The following WIZ variants were observed in gnomAD, a reference collection of about 807,000 sequenced individuals.
WIZ encodes WIZ zinc finger.
A neutral mutation model predicts 140.2 loss-of-function variants in WIZ; 25 were observed. The observed-to-expected ratio is 0.18, with a 90% CI of 0.13 to 0.25. The LOEUF (loss-of-function observed/expected upper bound fraction) is 0.25, where lower values mean the gene tolerates loss of function less well. WIZ is among the 10% of genes least tolerant of loss of function. The probability of loss-of-function intolerance (pLI) is 1.00; values close to 1 mark genes in which losing one functional copy is unlikely to be tolerated. For synonymous variants in WIZ, 1,125 were observed against 1,154.3 expected (o/e 0.97, Z 0.51); for missense variants, 2,231 against 2,632.6 (o/e 0.85, Z 3.34).
chr19:15,429,642 G>A lies in WIZ; in HGVS notation c.3359C>T (p.Pro1120Leu), dbSNP rs536601218. ...AGGCCACTGTGCCTTTGGGGAGGCC[G>A]GCCGGGGGCTCAGGGACAGCTGGGG... ...KSPQLSLSPR[P>L]ASPKAQWPQS... The change falls in exon 7 of 13, where the codon CCG becomes CTG. Residue 1120 changes from proline (P) to leucine (L), a missense_variant. By Grantham distance (98) the Pro-to-Leu change is moderately conservative. Transcript: ENST00000673675. 6 of 1,418,094 alleles carry A rather than the reference G, an allele frequency of 4.2e-6. No homozygotes were observed. Among genetic ancestry groups the A allele is most frequent in the South Asian group, 1.6e-5 (1 of 64,468 alleles). 87.8% of individuals were successfully genotyped at this position (1,418,094 alleles called of 1,614,324 possible).
At position 15,438,887 on chromosome 19, in the gene WIZ, T is replaced by C. The variant is rs753270167; in HGVS notation, c.2107A>G (p.Arg703Gly). The C allele has an allele frequency of 1.6e-4, 236 of 1,454,336 alleles. No homozygotes were observed. Among genetic ancestry groups the C allele is most frequent in the Non-Finnish European group, 2.0e-4 (226 of 1,104,022 alleles). The allele number at this position is 1,454,336 out of a possible 1,614,324, so 90.1% of individuals were successfully genotyped here. A position where few individuals can be genotyped will look rare whatever the true frequency, so the allele number is the denominator to read the frequency against. Residue 703 changes from arginine (R) to glycine (G), a missense_variant, in exon 4 of 13, where the codon AGG becomes GGG. Coordinates refer to ENST00000673675, the MANE Select transcript of WIZ (RefSeq NM_001371589.1). ...AGCCCCAGCTCCTCGGGCTGCAACC[T>C]TGGGGGCACCCTGGCTGCCGCCATG... The part of the protein sequence containing the change: ...QVMAAARVPP[R>G]LQPEELGLAG...
Position 15,427,563 on chromosome 19 carries a change from CA to C in WIZ, c.3815-31del. On this transcript the variant is annotated intron_variant, in intron 8 of 12. Transcript: ENST00000673675. This position sits in a 1 kb window ranked among gnomAD's most constrained non-coding sequence, Gnocchi z 6.4. ...AGCAGGAGGAGAAAGGGGCAGTTAG[CA>C]TCGTGGAACTGCCAGCATGGTCACC... The C allele has an allele frequency of 1.9e-6, 3 of 1,579,768 alleles. No homozygotes were observed. Among genetic ancestry groups the C allele is most frequent in the Non-Finnish European group, 2.6e-6 (3 of 1,161,390 alleles).
In WIZ at chr19:15,429,768, G is replaced by A. The variant is rs966203455; in HGVS notation, c.3233C>T (p.Ser1078Leu). The change falls in exon 7 of 13, where the codon TCG (serine) becomes TTG (leucine). Residue 1078 changes from serine to leucine, a missense_variant. By Grantham distance (145) the Ser-to-Leu change is moderately radical. Coordinates refer to ENST00000673675, the MANE Select transcript of WIZ (RefSeq NM_001371589.1). The stretch of plus-strand genomic sequence containing the variant: ...GGGCGGGTGGCCCAGGCCCTTGGCC[G>A]AGAAGCCGGGAGGCGACTTGATGGC... ...NKAIKSPPGF[S>L]AKGLGHPPSS... 38 of 1,509,506 alleles carry A rather than the reference G, an allele frequency of 2.5e-5. No individual in the cohort carries two copies. Among genetic ancestry groups the A allele is most frequent in the East Asian group, 1.7e-4 (7 of 40,456 alleles). 93.5% of individuals were successfully genotyped at this position (1,509,506 alleles called of 1,614,324 possible).
In WIZ at chr19:15,420,141, G is replaced by C. The variant is rs1968315817; in HGVS notation, c.*2935C>G. The C allele has an allele frequency of 6.6e-6, 1 of 152,270 alleles. No homozygotes were observed. Among genetic ancestry groups the C allele is most frequent in the African/African-American group, 2.4e-5 (1 of 41,468 alleles). The allele number at this position is 152,270 out of a possible 1,614,324, so 9.4% of individuals were successfully genotyped here. On this transcript the variant is annotated 3_prime_UTR_variant, in exon 13 of 13. Coordinates refer to ENST00000673675, the MANE Select transcript of WIZ (RefSeq NM_001371589.1). ...GCTTCACACAATTCAGACAGGTAGAGAGAGGAGGAGGAAGCAAGGAGCTAT... is the reference window on the plus strand; with the variant it reads ...GCTTCACACAATTCAGACAGGTAGACAGAGGAGGAGGAAGCAAGGAGCTAT...
At chr19:15,441,368 G>A (rs1239831842) in intron 3 of WIZ, among the ~76,000 whole-genome samples, 2 of 152,172 alleles carry the variant, frequency 1.3e-5, no homozygotes, top group Non-Finnish European at 2.9e-5. Flanking sequence ...GAAATTGGGG[G>A]TAATTCCCAA....
chr19:15,448,390 G>C (rs1328335229), intron 1 of WIZ, 23 bp from the exon 2 acceptor site: 15 of 1,524,064 alleles, frequency 9.8e-6, no homozygotes, highest in South Asian at 2.3e-5. Context: ...AGAAGGAAGT[G>C]CTTAGGGGAT....
Position 15,425,382 on chromosome 19 carries a change from T to C in WIZ, c.4753A>G (p.Thr1585Ala), listed in dbSNP as rs1226398158. The change falls in exon 10 of 13, where the codon ACT becomes GCT. Residue 1585 changes from threonine to alanine, a missense_variant. This residue lies in a region of WIZ where 393 missense variants were observed against 451.7 expected (regional missense o/e 0.87). Transcript: ENST00000673675. ...GCTGCCACTGAGCCCAGGTAGCCAG[T>C]GGCTGAGGGCTTGGCCCCAGTGATG... The part of the protein sequence containing the change: ...TPITGAKPSA[T>A]GYLGSVAAKR... The C allele has an allele frequency of 6.4e-7, 1 of 1,556,994 alleles. No individual in the cohort carries two copies. The highest frequency in any genetic ancestry group is 1.4e-5 in the African/African-American group (1 of 73,336).
rs1235737013 is a variant in WIZ, at chr19:15,420,316, T to TAGAA, written c.*2759_*2760insTTCT. The stretch of plus-strand genomic sequence containing the variant: ...ACTCCCCCCACCCAAATGAGGCTTC[T>TAGAA]GCAGAACTTGCTGCCATACGGAACA... On this transcript the variant is annotated 3_prime_UTR_variant, in exon 13 of 13. Coordinates refer to ENST00000673675, the MANE Select transcript of WIZ (RefSeq NM_001371589.1). The TAGAA allele has an allele frequency of 6.6e-6, 1 of 152,268 alleles. No homozygotes were observed. The highest frequency in any genetic ancestry group is 1.5e-5 in the Non-Finnish European group (1 of 68,046). The allele number at this position is 152,268 out of a possible 1,614,324, so 9.4% of individuals were successfully genotyped here.
rs1479439928 is a variant in WIZ, at chr19:15,421,036, A to ATC, written c.*2039_*2040insGA. On this transcript the variant is annotated 3_prime_UTR_variant, in exon 13 of 13. Transcript: ENST00000673675. ...ATGGCTGAGGCAGGAGAATCACTTGAACCCAGGAGGCAGAGACTGCAGCGA... is the reference window on the plus strand; with the variant it reads ...ATGGCTGAGGCAGGAGAATCACTTGATCACCCAGGAGGCAGAGACTGCAGCGA... 1 of 152,222 alleles carries ATC rather than the reference A, an allele frequency of 6.6e-6. No individual in the cohort carries two copies. The highest frequency in any genetic ancestry group is 6.5e-5 in the Admixed American group (1 of 15,280). 9.4% of individuals were successfully genotyped at this position (152,222 alleles called of 1,614,324 possible).
chr19:15,438,131 T>A (rs903270569), intron 4 of WIZ, among the ~76,000 whole-genome samples: 4 of 152,182 alleles, frequency 2.6e-5, no homozygotes, highest in Non-Finnish European at 5.9e-5. Flanking sequence ...CAGAGCCTTG[T>A]ACTGTGGGAA....
At chr19:15,432,332 G>C in intron 5 of WIZ, 1 of 624,982 alleles carries the variant, frequency 1.6e-6, no homozygotes, top group Non-Finnish European at 2.0e-6. Flanking sequence ...CTGGGGGAGG[G>C]GGGGGTCCCG....
Position 15,436,949 on chromosome 19 carries a change from G to A in WIZ, c.2597C>T (p.Ala866Val). The change falls in exon 5 of 13, where the codon GCT becomes GTT. Residue 866 changes from alanine (A) to valine (V), a missense_variant. Coordinates refer to ENST00000673675, the MANE Select transcript of WIZ (RefSeq NM_001371589.1). ...NILQELLATS[A>V]AEQPPSPLGR... ...CAGGGGGCTGGGGGGCTGCTCAGCA[G>A]CAGAGGTGGCCAGCAGCTCCTGCAG... 1 of 1,613,710 alleles carries A rather than the reference G, an allele frequency of 6.2e-7. No individual in the cohort carries two copies. Among genetic ancestry groups the A allele is most frequent in the East Asian group, 2.2e-5 (1 of 44,852 alleles).
In WIZ at chr19:15,428,049, C is replaced by A. The variant is rs1184814284; in HGVS notation, c.3814+61G>T. 3 of 1,513,460 alleles carry A rather than the reference C, an allele frequency of 2.0e-6. No individual in the cohort carries two copies. The highest frequency in any genetic ancestry group is 2.3e-4 in the Middle Eastern group (1 of 4,288). The allele number at this position is 1,513,460 out of a possible 1,614,324, so 93.8% of individuals were successfully genotyped here. On this transcript the variant is annotated intron_variant, in intron 8 of 12. Coordinates refer to ENST00000673675, the MANE Select transcript of WIZ (RefSeq NM_001371589.1). The surrounding 1 kb of genome is among the most constrained non-coding windows in gnomAD (Gnocchi z 6.4). The stretch of plus-strand genomic sequence containing the variant: ...CCCAGCAGGGAGGGGGCTGTGACCC[C>A]CCCCCCGGGAGGGGCTCCAGGGCCC...
In WIZ at chr19:15,424,256, G is replaced by A. The variant is rs750949981; in HGVS notation, c.5437C>T (p.Pro1813Ser). ...RQPPPRVRPV[P>S]SLVPRPPQTS... ...TGGGGGGGCCGGGGCACCAGGGAGG[G>A]GACTGGCCGGACTCGGGGTGGGGGT... Residue 1813 changes from proline to serine, a missense_variant, in exon 12 of 13, where the codon CCC (proline) becomes TCC (serine). This residue lies in a region of WIZ where 299 missense variants were observed against 309.6 expected (regional missense o/e 0.97). Coordinates refer to ENST00000673675, the MANE Select transcript of WIZ (RefSeq NM_001371589.1). The surrounding 1 kb of genome is among the most constrained non-coding windows in gnomAD (Gnocchi z 9.7). 22 of 1,589,246 alleles carry A rather than the reference G, an allele frequency of 1.4e-5. No individual in the cohort carries two copies. The highest frequency in any genetic ancestry group is 1.9e-5 in the Non-Finnish European group (22 of 1,170,956).
intron 6 of WIZ, 120 bp downstream of exon 6, chr19:15,430,892 G>T (rs1309641582): frequency 1.3e-5 from 17 of 1,280,754 alleles, no homozygotes; most frequent in Non-Finnish European, 1.8e-5. Context: ...GTGCCTCAAG[G>T]TGCCAGAGGG....
At chr19:15,433,974 G>T (rs1158633670) in intron 5 of WIZ, among the ~76,000 whole-genome samples, 2 of 152,240 alleles carry the variant, frequency 1.3e-5, no homozygotes, top group Non-Finnish European at 2.9e-5. Context: ...TACCGAAGGG[G>T]CCGGGTGCGG....
intron 6 of WIZ, 50 bp from the exon 7 acceptor site, chr19:15,430,139 C>T (rs1327380331): frequency 1.4e-6 from 2 of 1,455,900 alleles, no homozygotes; most frequent in Non-Finnish European, 1.8e-6. Flanking sequence ...GCCCACGGCC[C>T]AGCTCTCCCG....
At chr19:15,447,199 A>G (rs1049914972) in intron 2 of WIZ, among the ~76,000 whole-genome samples, 1 of 152,114 alleles carries the variant, frequency 6.6e-6, no homozygotes, top group Non-Finnish European at 1.5e-5. Flanking sequence ...ACATCAGCCC[A>G]CTGTTTTCCA....
At chr19:15,431,923 A>C (rs1969267134) in intron 5 of WIZ, among the ~76,000 whole-genome samples, 1 of 152,190 alleles carries the variant, frequency 6.6e-6, no homozygotes, top group African/African-American at 2.4e-5. Context: ...AGGCCAGTTG[A>C]ACTCCAAATT....
Sources: allele counts gnomAD v4.1 joint callset (sites outside exome capture counted in the v4.1 genomes callset), GRCh38; gene constraint gnomAD v4.1.1; regional missense constraint gnomAD v4.1.1; non-coding constraint Gnocchi (gnomAD v3.1); transcripts MANE v1.5; gene names NCBI Gene and HGNC (gene_info 2026-07-23, HGNC 2026-07-21).